GPC6: variants seen among roughly 807,000 people sequenced by gnomAD.
GPC6 encodes the protein glypican 6.
Under a neutral mutation model 55.2 loss-of-function variants are expected in GPC6, and 14 were observed. The observed-to-expected ratio is 0.25, with a 90% CI of 0.17 to 0.40. The LOEUF (loss-of-function observed/expected upper bound fraction) is 0.40, where lower values mean the gene tolerates loss of function less well. Among genes scored for constraint, GPC6 ranks in the 10% least tolerant of loss-of-function variants. The pLI, the probability that GPC6 is intolerant of heterozygous loss-of-function variation, is 1.00. For missense variants in GPC6, 641 were observed against 708.5 expected (o/e 0.90, Z 1.08); for synonymous variants, 278 against 259.6 (o/e 1.07, Z -0.68).
chr13:93,880,263 C>T (rs1874877405), intron 3 of GPC6, among the ~76,000 whole-genome samples: 1 of 151,712 alleles, frequency 6.6e-6, no homozygotes. Context: ...GACACATGCA[C>T]ACGTATGTTT....
At chr13:93,684,902 GTTTA>G (rs1379262811) in intron 2 of GPC6, among the ~76,000 whole-genome samples, 1 of 152,034 alleles carries the variant, frequency 6.6e-6, no homozygotes, top group Non-Finnish European at 1.5e-5. Context: ...TCCTGAAATA[GTTTA>G]TTATTTCTCC....
intron 3 of GPC6, among the ~76,000 whole-genome samples, chr13:93,886,537 G>C (rs946923583): frequency 3.9e-5 from 6 of 151,934 alleles, no homozygotes; most frequent in Non-Finnish European, 8.8e-5. Flanking sequence ...CTATATTGAA[G>C]CTTTATGTAG....
intron 3 of GPC6, among the ~76,000 whole-genome samples, chr13:93,898,676 AT>A (rs1237684593): frequency 6.6e-6 from 1 of 151,980 alleles, no homozygotes. Flanking sequence ...TCTTGTCTAA[AT>A]ATTATCAGAG....
chr13:94,390,157 G>C (rs7984648), intron 7 of GPC6, among the ~76,000 whole-genome samples: 91,238 of 152,100 alleles, frequency 0.6, 27,983 homozygotes, highest in African/African-American at 0.73. Context: ...TCATGACTGG[G>C]TAAGTCTAAA....
At chr13:94,120,542 C>A (rs1886595325) in intron 4 of GPC6, among the ~76,000 whole-genome samples, 1 of 150,176 alleles carries the variant, frequency 6.7e-6, no homozygotes, top group Non-Finnish European at 1.5e-5. Flanking sequence ...TTTTTTTTTC[C>A]CCTGAAAAGC....
intron 4 of GPC6, among the ~76,000 whole-genome samples, chr13:94,236,817 C>A (rs563298639): frequency 5.3e-5 from 8 of 151,492 alleles, no homozygotes; most frequent in African/African-American, 1.9e-4. Flanking sequence ...GCAGAGAAGG[C>A]AAGAATGGAG....
chr13:93,473,797 C>T (rs1879210364), intron 1 of GPC6, among the ~76,000 whole-genome samples: 2 of 152,324 alleles, frequency 1.3e-5, no homozygotes, highest in South Asian at 2.1e-4. Flanking sequence ...GTGTCCTCCC[C>T]ACAGCAGCAT....
intron 2 of GPC6, among the ~76,000 whole-genome samples, chr13:93,569,401 T>A (rs1326097680): frequency 2.6e-5 from 4 of 152,160 alleles, no homozygotes; most frequent in African/African-American, 9.7e-5. Flanking sequence ...TGTTAATACA[T>A]ATAAAGGAAT....
At chr13:93,658,116 T>G (rs1484674039) in intron 2 of GPC6, among the ~76,000 whole-genome samples, 1 of 152,004 alleles carries the variant, frequency 6.6e-6, no homozygotes, top group Non-Finnish European at 1.5e-5. Context: ...TTTGATGAGT[T>G]TTGATAAATA....
chr13:93,919,032 G>A (rs1028651701), intron 3 of GPC6, among the ~76,000 whole-genome samples: 23 of 152,134 alleles, frequency 1.5e-4, no homozygotes, highest in African/African-American at 4.6e-4. Flanking sequence ...CATGAATGGC[G>A]TAGCACCATC....
chr13:93,470,537 T>A (rs1052641462), intron 1 of GPC6, among the ~76,000 whole-genome samples: 2 of 152,120 alleles, frequency 1.3e-5, no homozygotes, highest in African/African-American at 2.4e-5. Context: ...GTTTTGAGGA[T>A]TTTTTGCACT....
chr13:94,312,733 C>T (rs1193178382), intron 6 of GPC6, among the ~76,000 whole-genome samples: 1 of 138,016 alleles, frequency 7.2e-6, no homozygotes, highest in Admixed American at 6.9e-5. Context: ...CACACACACA[C>T]ACACACACAT....
At chr13:93,333,699 G>A (rs538601839) in intron 1 of GPC6, among the ~76,000 whole-genome samples, 1 of 151,834 alleles carries the variant, frequency 6.6e-6, no homozygotes, top group South Asian at 2.1e-4. Flanking sequence ...ACCATTCCCA[G>A]TTACATTTCT....
intron 1 of GPC6, among the ~76,000 whole-genome samples, chr13:93,422,181 T>A (rs939430882): frequency 2.6e-5 from 4 of 152,022 alleles, no homozygotes; most frequent in Admixed American, 6.6e-5. Flanking sequence ...GATTATTCCA[T>A]CTCAAAAAGA....
Position 93,961,726 on chromosome 13 carries a change from G to C in GPC6, c.712-66003G>C, listed in dbSNP as rs376649454. Reference sequence around the variant, plus strand: ...GATGAACTTCTACTAAAATTTCAGAGGAGACTTGAAAGTTTAGTTTGATTG... The same window carrying C: ...GATGAACTTCTACTAAAATTTCAGACGAGACTTGAAAGTTTAGTTTGATTG... On this transcript the variant is annotated intron_variant, in intron 3 of 8. Transcript: ENST00000377047. Among the ~76,000 whole-genome samples the C allele has an allele frequency of 3.4e-3, 514 of 152,246 alleles. 6 individuals carry two copies. Among genetic ancestry groups the C allele is most frequent in the African/African-American group, 0.012 (498 of 41,544 alleles).
intron 2 of GPC6, among the ~76,000 whole-genome samples, chr13:93,631,088 C>A (rs948280076): frequency 2.0e-5 from 3 of 152,104 alleles, no homozygotes; most frequent in Admixed American, 2.0e-4. Flanking sequence ...GACAGGGGTC[C>A]TTGCACATGG....
chr13:94,071,259 G>C (rs1451638856), intron 4 of GPC6, among the ~76,000 whole-genome samples: 1 of 152,060 alleles, frequency 6.6e-6, no homozygotes, highest in Non-Finnish European at 1.5e-5. Flanking sequence ...TTCGTGTAGA[G>C]GGTTTTTAAA....
chr13:94,005,103 A>G (rs537046534), intron 3 of GPC6, among the ~76,000 whole-genome samples: 1 of 152,270 alleles, frequency 6.6e-6, no homozygotes, highest in Non-Finnish European at 1.5e-5. Flanking sequence ...TCAGGTACAC[A>G]TGGACTAATA....
intron 1 of GPC6, among the ~76,000 whole-genome samples, chr13:93,374,861 T>C (rs1316101487): frequency 6.6e-6 from 1 of 152,222 alleles, no homozygotes; most frequent in Non-Finnish European, 1.5e-5. Context: ...AATTTCAGTC[T>C]TCTCATAAAT....
Sources: allele counts gnomAD v4.1 joint callset (sites outside exome capture counted in the v4.1 genomes callset), GRCh38; gene constraint gnomAD v4.1.1; transcripts MANE v1.5; gene names NCBI Gene and HGNC (gene_info 2026-07-23, HGNC 2026-07-21).